Variants in PLB1 observed in about 807,000 individuals in gnomAD.
The protein encoded by PLB1 is phospholipase B1.
In PLB1, 242 loss-of-function variants were observed where a neutral mutation model predicts 227.4. The observed-to-expected ratio is 1.06, with a 90% CI of 0.96 to 1.18. PLB1 has a LOEUF of 1.18. Ranked by LOEUF, PLB1 falls within the 50% of genes most tolerant of loss-of-function variation. The probability of loss-of-function intolerance (pLI) is 0.00; values close to 1 mark genes in which losing one functional copy is unlikely to be tolerated. For missense variants in PLB1, 1,858 were observed against 1,816.3 expected (o/e 1.02, Z -0.42); for synonymous variants, 757 against 682.2 (o/e 1.11, Z -1.71).
intron 33 of PLB1, among the ~76,000 whole-genome samples, chr2:28,596,640 G>A (rs528243945): frequency 1.8e-3 from 274 of 152,270 alleles, no homozygotes; most frequent in Admixed American, 7.6e-3. Flanking sequence ...TCCAGAAAAA[G>A]AAGGATTAGA....
intron 50 of PLB1, 76 bp from the exon 51 acceptor site, chr2:28,626,352 G>T: frequency 4.1e-6 from 5 of 1,232,926 alleles, no homozygotes; most frequent in Non-Finnish European, 6.0e-6. Context: ...CTTGGAGGGC[G>T]GGCGGGCTGG....
At chr2:28,563,601 T>C (rs1413844103) in intron 18 of PLB1, among the ~76,000 whole-genome samples, 1 of 152,022 alleles carries the variant, frequency 6.6e-6, no homozygotes, top group African/African-American at 2.4e-5. Flanking sequence ...GACGGGAGTC[T>C]GTGGAAGAGG....
chr2:28,602,047 A>G (rs562286206), intron 38 of PLB1, 83 bp downstream of exon 38: 2 of 1,299,486 alleles, frequency 1.5e-6, no homozygotes, highest in Non-Finnish European at 2.2e-6. Flanking sequence ...TGAGAGAAGA[A>G]CCCCTTTCTC....
At chr2:28,600,728 A>G (rs1445988902) in intron 35 of PLB1, 81 bp from the exon 36 acceptor site, 1 of 1,351,324 alleles carries the variant, frequency 7.4e-7, no homozygotes, top group Non-Finnish European at 1.1e-6. Context: ...GATACTGTAG[A>G]AGCCTCTGGT....
At chr2:28,630,556 A>T in intron 53 of PLB1, 30 bp from the exon 54 acceptor site, 2 of 1,597,258 alleles carry the variant, frequency 1.3e-6, no homozygotes, top group Non-Finnish European at 1.7e-6. Flanking sequence ...TGCCCCAGGC[A>T]GCCTCAATAC....
chr2:28,563,296 TC>T (rs1283172897), intron 18 of PLB1, among the ~76,000 whole-genome samples, 197 bp downstream of exon 18: 10 of 152,030 alleles, frequency 6.6e-5, no homozygotes, highest in Admixed American at 5.9e-4. Flanking sequence ...GTTTCCCACC[TC>T]CATTCTGGTC....
intron 1 of PLB1, among the ~76,000 whole-genome samples, chr2:28,497,172 G>A (rs1558615581): frequency 6.6e-6 from 1 of 152,294 alleles, no homozygotes; most frequent in East Asian, 1.9e-4. Flanking sequence ...GATTTTTTAG[G>A]AGTTCTCCAT....
At chr2:28,590,470 G>A (rs1279799337) in intron 29 of PLB1, among the ~76,000 whole-genome samples, 2 of 152,088 alleles carry the variant, frequency 1.3e-5, no homozygotes, top group Admixed American at 6.6e-5. Context: ...TATGGGTAGA[G>A]CGAGGAATCG....
At position 28,605,872 on chromosome 2, in the gene PLB1, C is replaced by G. The variant is rs150308104; in HGVS notation, c.2981C>G (p.Ser994Cys). The G allele has an allele frequency of 1.2e-4, 197 of 1,613,592 alleles. No individual in the cohort carries two copies. Among genetic ancestry groups the G allele is most frequent in the Non-Finnish European group, 1.5e-4 (176 of 1,179,668 alleles). Residue 994 changes from serine (S) to cysteine (C), a missense_variant, in exon 42 of 58, where the codon TCC becomes TGC. By Grantham distance (112) the Ser-to-Cys change is moderately radical (BLOSUM62 -1). Coordinates refer to ENST00000327757, the MANE Select transcript of PLB1 (RefSeq NM_153021.5). ...TTTCAGGATGGGCTCCCAGATACGT[C>G]CTTCTTTGCCCCAGACTGCATCCAC... is the stretch of plus-strand genomic sequence containing the variant. ...PVLADGLPDT[S>C]FFAPDCIHPN...
intron 5 of PLB1, among the ~76,000 whole-genome samples, 165 bp from the exon 6 acceptor site, chr2:28,525,740 T>G (rs771716299): frequency 2.0e-5 from 3 of 152,080 alleles, no homozygotes; most frequent in Non-Finnish European, 2.9e-5. Context: ...TTTTGGCTAC[T>G]CCATGGCCAC....
intron 43 of PLB1, among the ~76,000 whole-genome samples, chr2:28,612,769 A>ATTTTTTTT (rs10557060): frequency 7.2e-5 from 9 of 124,920 alleles, no homozygotes; most frequent in African/African-American, 1.2e-4. Context: ...CCACACCTGG[A>ATTTTTTTT]TTTTTTTTTT....
At chr2:28,631,463 T>C (rs1157246502) in intron 54 of PLB1, among the ~76,000 whole-genome samples, 1 of 152,250 alleles carries the variant, frequency 6.6e-6, no homozygotes, top group Non-Finnish European at 1.5e-5. Context: ...AGGGTTCTCA[T>C]GTTTTCACAT....
At chr2:28,589,650 C>T (rs944928802) in intron 27 of PLB1, 25 bp from the exon 28 acceptor site, 1 of 1,611,908 alleles carries the variant, frequency 6.2e-7, no homozygotes, top group African/African-American at 1.3e-5. Flanking sequence ...CTATAACTGC[C>T]TCTCTTTTTC....
intron 1 of PLB1, among the ~76,000 whole-genome samples, chr2:28,498,546 C>G (rs565807735): frequency 6.6e-6 from 1 of 152,208 alleles, no homozygotes; most frequent in Non-Finnish European, 1.5e-5. Context: ...CAGGTATGAG[C>G]CACCACATCC....
rs142686659 is a variant in PLB1 at position 28,601,245 on chromosome 2, C to T, written c.2527-7C>T. On this transcript the variant is annotated splice_region_variant and splice_polypyrimidine_tract_variant and intron_variant, in intron 36 of 57. Transcript: ENST00000327757. ...AAATTATCAAGCATTTTCCTCCCTC[C>T]ATATAGAGAGTAAATTTCCATGAAG... 38 of 1,609,416 alleles carry T rather than the reference C, an allele frequency of 2.4e-5. No individual in the cohort carries two copies. In the African/African-American group the frequency reaches 3.1e-4, roughly 13 times the overall value.
intron 21 of PLB1, among the ~76,000 whole-genome samples, chr2:28,576,435 A>G (rs1279592522): frequency 6.6e-6 from 1 of 152,242 alleles, no homozygotes; most frequent in Non-Finnish European, 1.5e-5. Context: ...TACCAATGAT[A>G]AAACTGAGCT....
At position 28,643,112 on chromosome 2, in the gene PLB1, G is replaced by A. The variant is rs747645122; in HGVS notation, c.*51G>A. On this transcript the variant is annotated 3_prime_UTR_variant, in exon 58 of 58. Transcript: ENST00000327757. ...ACTCCCTATAGCCACTCTCTTCACCGCCCTCTGCCCCAGCCACTCCCGGCC... is the reference window on the plus strand; with the variant it reads ...ACTCCCTATAGCCACTCTCTTCACCACCCTCTGCCCCAGCCACTCCCGGCC... 17 of 1,463,404 alleles carry A rather than the reference G, an allele frequency of 1.2e-5. No homozygotes were observed. The highest frequency in any genetic ancestry group is 2.5e-5 in the East Asian group (1 of 40,310). 90.7% of individuals were successfully genotyped at this position (1,463,404 alleles called of 1,614,324 possible).
intron 44 of PLB1, among the ~76,000 whole-genome samples, chr2:28,616,339 C>T (rs1251964203): frequency 1.3e-5 from 2 of 152,184 alleles, no homozygotes; most frequent in Non-Finnish European, 2.9e-5. Flanking sequence ...CACTATGCCT[C>T]ATAAGTATGT....
intron 1 of PLB1, among the ~76,000 whole-genome samples, chr2:28,514,891 G>A (rs1414697928): frequency 6.6e-6 from 1 of 151,878 alleles, no homozygotes; most frequent in Non-Finnish European, 1.5e-5. Context: ...TGTTGCCCAG[G>A]CTGGTCTCAA....
Sources: gnomAD v4.1 joint callset for allele counts (sites outside exome capture counted in the v4.1 genomes callset) on GRCh38, gnomAD v4.1.1 for gene constraint, MANE v1.5 for transcripts, NCBI Gene and HGNC (gene_info 2026-07-23, HGNC 2026-07-21) for gene names.